SORCS2: variants seen among roughly 807,000 people sequenced by gnomAD.
The protein encoded by SORCS2 is sortilin related VPS10 domain containing receptor 2.
In SORCS2, 100 loss-of-function variants were observed where a neutral mutation model predicts 141.6. The ratio of observed to expected loss-of-function variants is 0.71; its 90% CI spans 0.60 to 0.83. SORCS2 has a LOEUF of 0.83. Among genes scored for constraint, SORCS2 ranks in the 40% least tolerant of loss-of-function variants. The probability of loss-of-function intolerance (pLI) is 0.00; values close to 1 mark genes in which losing one functional copy is unlikely to be tolerated. For missense variants in SORCS2, 1,646 were observed against 1,560.2 expected, an observed-to-expected ratio of 1.05 and a Z score of -0.93; for synonymous variants, 789 against 676.9, an observed-to-expected ratio of 1.17 and a Z score of -2.57.
At chr4:7,722,169 G>A (rs73078591) in intron 18 of SORCS2, among the ~76,000 whole-genome samples, 2,202 of 152,216 alleles carry the variant, frequency 0.014, 56 homozygotes, top group African/African-American at 0.051. Flanking sequence ...CCTCACCCAG[G>A]TTGAGCGGAT....
intron 12 of SORCS2, among the ~76,000 whole-genome samples, chr4:7,698,187 T>C (rs1724832800): frequency 6.6e-6 from 1 of 152,176 alleles, no homozygotes; most frequent in African/African-American, 2.4e-5. Context: ...GCCAACCTCA[T>C]GGAGTGGCAG....
chr4:7,217,547 A>G (rs2108755121), intron 1 of SORCS2, among the ~76,000 whole-genome samples: 1 of 152,312 alleles, frequency 6.6e-6, no homozygotes, highest in South Asian at 2.1e-4. Context: ...AAAATTTGGC[A>G]AAACTTCCAC....
At chr4:7,210,143 C>A in intron 1 of SORCS2, among the ~76,000 whole-genome samples, 1 of 152,294 alleles carries the variant, frequency 6.6e-6, no homozygotes, top group South Asian at 2.1e-4. Flanking sequence ...CAGAGAAGGA[C>A]GTCATCAGCC....
Position 7,638,420 on chromosome 4 carries a change from C to G in SORCS2, c.741C>G (p.Pro247=). 6.2e-7 allele frequency: 1 copy of G among 1,604,138 alleles called. No individual in the cohort carries two copies. The highest frequency in any genetic ancestry group is 2.2e-5 in the East Asian group (1 of 44,466). ...EGATFQKQPI[P]FFVETLIFHP... is the part of the protein sequence containing the mutation. The stretch of plus-strand genomic sequence containing the variant: ...CCACCTTTCAGAAGCAGCCCATTCC[C>G]TTCTTCGTGGAAACTCTGATTTTCC... Residue 247 remains proline, a synonymous_variant, in exon 4 of 27, where the codon CCC becomes CCG. Transcript: ENST00000507866.
At chr4:7,651,289 G>A (rs1235606930) in intron 4 of SORCS2, among the ~76,000 whole-genome samples, 3 of 152,312 alleles carry the variant, frequency 2.0e-5, no homozygotes, top group Middle Eastern at 6.8e-3. Context: ...GAATCATCCC[G>A]ACCTTCTGAG....
In SORCS2 at chr4:7,396,364, GC is replaced by G. The variant is rs1165694826; in HGVS notation, c.548+12del. ...GAAAGTTCTCTGTGGCGGTAAGTCA[GC>G]CCGATGGCAGGCCTTTCTCTTATGC... is the stretch of plus-strand genomic sequence containing the variant. On this transcript the variant is annotated intron_variant, in intron 2 of 26. Coordinates refer to ENST00000507866, the MANE Select transcript of SORCS2 (RefSeq NM_020777.3). 1 of 1,613,768 alleles carries G rather than the reference GC, an allele frequency of 6.2e-7. No individual in the cohort carries two copies. The highest frequency in any genetic ancestry group is 2.2e-5 in the East Asian group (1 of 44,888).
chr4:7,284,115 T>C (rs1397987879), intron 1 of SORCS2, among the ~76,000 whole-genome samples: 2 of 152,092 alleles, frequency 1.3e-5, no homozygotes, highest in Non-Finnish European at 2.9e-5. Flanking sequence ...AGGGAACCTG[T>C]GAACACCCAC....
rs192142269 is a variant in SORCS2, at chr4:7,476,928, C to G, written c.549-54602C>G. 1.7e-3 allele frequency among the ~76,000 whole-genome samples: 257 copies of G among 152,352 alleles called. 1 individual carries two copies. The highest frequency in any genetic ancestry group is 0.01 in the Middle Eastern group (3 of 294). On this transcript the variant is annotated intron_variant, in intron 2 of 26. Coordinates refer to ENST00000507866, the MANE Select transcript of SORCS2 (RefSeq NM_020777.3). Reference sequence around the variant, plus strand: ...ACTCAGTGCTATGTGGTCTAAGAAACTCACACCTGCTGAGCTCCCTTGCTG... The same window carrying G: ...ACTCAGTGCTATGTGGTCTAAGAAAGTCACACCTGCTGAGCTCCCTTGCTG...
chr4:7,263,496 G>A (rs941782264), intron 1 of SORCS2, among the ~76,000 whole-genome samples: 15 of 152,232 alleles, frequency 9.9e-5, no homozygotes, highest in African/African-American at 2.7e-4. Flanking sequence ...GGAAGGAGCC[G>A]GGCGTGTCCG....
intron 5 of SORCS2, among the ~76,000 whole-genome samples, chr4:7,656,762 G>T (rs569773013): frequency 6.5e-4 from 99 of 152,292 alleles, no homozygotes; most frequent in African/African-American, 2.3e-3. Context: ...CTGGTGCAGG[G>T]CATGGGGGTG....
chr4:7,388,335 T>C (rs1297135706), intron 1 of SORCS2, among the ~76,000 whole-genome samples: 1 of 152,216 alleles, frequency 6.6e-6, no homozygotes. Flanking sequence ...AGCAGAGAGC[T>C]GGTCCTGGGT....
Position 7,233,835 on chromosome 4 carries a change from G to A in SORCS2, c.480+40709G>A, listed in dbSNP as rs1032731. 0.29 allele frequency among the ~76,000 whole-genome samples: 44,203 copies of A among 152,006 alleles called. 6,664 individuals carry two copies. Among genetic ancestry groups the A allele is most frequent in the African/African-American group, 0.36 (14,763 of 41,406 alleles). ...GGTGCCGTGGTGCAAACATCAGAGG[G>A]TGGTGGGGAGGAGTCTGAGGTTTGC... On this transcript the variant is annotated intron_variant, in intron 1 of 26. Transcript: ENST00000507866. This position sits in a 1 kb window ranked among gnomAD's most constrained non-coding sequence, Gnocchi z 4.5.
In SORCS2 at chr4:7,394,048, CCTG is replaced by C. The variant is rs548425557; in HGVS notation, c.481-2239_481-2237del. On this transcript the variant is annotated intron_variant, in intron 1 of 26. Coordinates refer to ENST00000507866, the MANE Select transcript of SORCS2 (RefSeq NM_020777.3). ...TCCTGGGCGACCTCCTTGTTTCAGC[CCTG>C]GGCAAAGCCAACGCCGCAGGAACCC... Among the ~76,000 whole-genome samples, 712 of 152,020 alleles carry C rather than the reference CCTG, an allele frequency of 4.7e-3. 4 individuals carry two copies. Among genetic ancestry groups the C allele is most frequent in the African/African-American group, 0.016 (675 of 41,446 alleles).
intron 1 of SORCS2, among the ~76,000 whole-genome samples, chr4:7,200,794 C>G (rs898794030): frequency 4.6e-5 from 7 of 152,190 alleles, no homozygotes; most frequent in African/African-American, 1.7e-4. Context: ...TCCTGTGTGT[C>G]AGGCCAGTGC....
chr4:7,437,403 A>G (rs746800454), intron 2 of SORCS2, among the ~76,000 whole-genome samples: 1 of 152,168 alleles, frequency 6.6e-6, no homozygotes, highest in Non-Finnish European at 1.5e-5. Context: ...TCACGCCCCC[A>G]TGTGTTCACC....
chr4:7,360,981 T>A (rs1446533448), intron 1 of SORCS2, among the ~76,000 whole-genome samples: 1 of 151,962 alleles, frequency 6.6e-6, no homozygotes, highest in Non-Finnish European at 1.5e-5. Flanking sequence ...GGCTCTTGCA[T>A]CAGGCTTCTC....
At chr4:7,689,838 A>T (rs1224237410) in intron 11 of SORCS2, among the ~76,000 whole-genome samples, 2 of 150,788 alleles carry the variant, frequency 1.3e-5, no homozygotes, top group African/African-American at 2.4e-5. Flanking sequence ...GGATGAATGG[A>T]TGGATGGACA....
chr4:7,613,482 G>A (rs775164010), intron 3 of SORCS2, among the ~76,000 whole-genome samples: 29 of 152,290 alleles, frequency 1.9e-4, no homozygotes, highest in Admixed American at 5.2e-4. Flanking sequence ...ATTCACTGAG[G>A]TGTAATAAGG....
rs914130538 is a variant in SORCS2 at position 7,367,309 on chromosome 4, C to T, written c.481-28979C>T. ...AGAGAATGGTGACCCGGCAAATTCACGTCAAACAGAGTGGGGAAGCACAGG... is the reference window on the plus strand; with the variant it reads ...AGAGAATGGTGACCCGGCAAATTCATGTCAAACAGAGTGGGGAAGCACAGG... On this transcript the variant is annotated intron_variant, in intron 1 of 26. Transcript: ENST00000507866. Among the ~76,000 whole-genome samples the T allele has an allele frequency of 1.2e-4, 18 of 152,326 alleles. No homozygotes were observed. In the South Asian group the frequency reaches 2.3e-3, roughly 19 times the overall value.
Sources: gnomAD v4.1 joint callset for allele counts (sites outside exome capture counted in the v4.1 genomes callset) on GRCh38, gnomAD v4.1.1 for gene constraint, Gnocchi (gnomAD v3.1) non-coding constraint, MANE v1.5 for transcripts, NCBI Gene and HGNC (gene_info 2026-07-23, HGNC 2026-07-21) for gene names.